The following SCAPER variants were observed in gnomAD, a reference collection of about 807,000 sequenced individuals.
The protein encoded by SCAPER is S phase cyclin A-associated protein in the endoplasmic reticulum.
Under a neutral mutation model 182.2 loss-of-function variants are expected in SCAPER, and 98 were observed. The observed-to-expected ratio is 0.54, with a 90% confidence interval of 0.46 to 0.64. The LOEUF is 0.64. SCAPER is among the 30% of genes least tolerant of loss of function. SCAPER has a pLI of 0.00. For missense variants in SCAPER, 1,432 were observed against 1,690.0 expected (o/e 0.85, Z 2.68); for synonymous variants, 605 against 564.6 (o/e 1.07, Z -1.01).
At chr15:76,650,180 A>G (rs2054903029) in intron 21 of SCAPER, among the ~76,000 whole-genome samples, 1 of 152,156 alleles carries the variant, frequency 6.6e-6, no homozygotes, top group African/African-American at 2.4e-5. Context: ...GCAAACACTA[A>G]AAATAAAAAG....
intron 22 of SCAPER, among the ~76,000 whole-genome samples, chr15:76,615,743 C>G (rs965432792): frequency 2.0e-5 from 3 of 150,650 alleles, no homozygotes; most frequent in African/African-American, 4.9e-5. Context: ...TTACTTGAAC[C>G]CGGGAGCTGG....
chr15:76,855,149 T>A (rs1005922758), intron 4 of SCAPER, among the ~76,000 whole-genome samples: 1 of 152,052 alleles, frequency 6.6e-6, no homozygotes, highest in African/African-American at 2.4e-5. Flanking sequence ...ATCTGATCTT[T>A]GACAAGACAA....
chr15:76,706,993 A>G (rs1276643801), intron 17 of SCAPER, among the ~76,000 whole-genome samples: 1 of 152,106 alleles, frequency 6.6e-6, no homozygotes, highest in Non-Finnish European at 1.5e-5. Flanking sequence ...ATATATATGT[A>G]AGATATGTGA....
intron 5 of SCAPER, among the ~76,000 whole-genome samples, chr15:76,815,137 A>C (rs527529867): frequency 6.6e-5 from 10 of 152,346 alleles, no homozygotes; most frequent in African/African-American, 2.4e-4. Context: ...GGGTGTGAAG[A>C]AAACCCTTGT....
chr15:76,585,693 T>C (rs537400274), intron 22 of SCAPER, among the ~76,000 whole-genome samples: 2 of 152,290 alleles, frequency 1.3e-5, no homozygotes, highest in South Asian at 2.1e-4. Flanking sequence ...CAAGAAAGAA[T>C]GCCAAATCAA....
At chr15:76,867,782 T>C (rs539147892) in intron 2 of SCAPER, among the ~76,000 whole-genome samples, 10 of 152,362 alleles carry the variant, frequency 6.6e-5, no homozygotes, top group Non-Finnish European at 1.2e-4. Flanking sequence ...GACTACAATA[T>C]GCATCAAAAC....
At chr15:76,733,141 G>T in intron 16 of SCAPER, 88 bp downstream of exon 16, 1 of 1,172,970 alleles carries the variant, frequency 8.5e-7, no homozygotes. Flanking sequence ...CTCCGCACAT[G>T]GGGAGAAAAA....
intron 3 of SCAPER, among the ~76,000 whole-genome samples, chr15:76,860,220 G>C (rs959068656): frequency 6.6e-6 from 1 of 151,952 alleles, no homozygotes. Context: ...TGGAAAATGA[G>C]AGAATACAAT....
intron 4 of SCAPER, among the ~76,000 whole-genome samples, chr15:76,849,618 T>C (rs1568331463): frequency 1.3e-5 from 2 of 152,038 alleles, no homozygotes; most frequent in South Asian, 2.1e-4. Flanking sequence ...TTTGACAGCA[T>C]TGAGAGGGAG....
chr15:76,723,487 G>T (rs1195499394), intron 17 of SCAPER, among the ~76,000 whole-genome samples: 1 of 152,118 alleles, frequency 6.6e-6, no homozygotes, highest in African/African-American at 2.4e-5. Flanking sequence ...GGATATCCTT[G>T]TTAACTTTCT....
At position 76,549,998 on chromosome 15, in the gene SCAPER, G is replaced by A. The variant is rs184965102; in HGVS notation, c.2838+24160C>T. 9.2e-5 allele frequency among the ~76,000 whole-genome samples: 14 copies of A among 152,102 alleles called. No individual in the cohort carries two copies. In the East Asian group the frequency reaches 2.1e-3, roughly 23 times the overall value. Reference sequence around the variant, plus strand: ...AAAACTTCTGCATAACAAAGGAAACGGTTAATAGAGGAAGTGGCAACCTAG... The same window carrying A: ...AAAACTTCTGCATAACAAAGGAAACAGTTAATAGAGGAAGTGGCAACCTAG... On this transcript the variant is annotated intron_variant, in intron 23 of 31. Coordinates refer to ENST00000563290, the MANE Select transcript of SCAPER (RefSeq NM_020843.4).
intron 5 of SCAPER, among the ~76,000 whole-genome samples, chr15:76,806,534 C>G (rs1200679129): frequency 6.6e-6 from 1 of 152,104 alleles, no homozygotes; most frequent in Non-Finnish European, 1.5e-5. Context: ...CTTTGCATCC[C>G]CATATGAATT....
intron 27 of SCAPER, among the ~76,000 whole-genome samples, chr15:76,403,469 A>G (rs944747020): frequency 6.6e-6 from 1 of 152,164 alleles, no homozygotes; most frequent in African/African-American, 2.4e-5. Flanking sequence ...AAGAGTAAGG[A>G]AGGATAGGTG....
intron 21 of SCAPER, among the ~76,000 whole-genome samples, chr15:76,659,336 T>A (rs753011647): frequency 1.3e-5 from 2 of 152,082 alleles, no homozygotes; most frequent in Non-Finnish European, 2.9e-5. Context: ...AGTGGTACAA[T>A]CACAGCTCAC....
Position 76,774,852 on chromosome 15 carries a change from T to C in SCAPER, c.1035+3A>G, listed in dbSNP as rs2063655242. 1 of 1,608,116 alleles carries C rather than the reference T, an allele frequency of 6.2e-7. No individual in the cohort carries two copies. The highest frequency in any genetic ancestry group is 8.5e-7 in the Non-Finnish European group (1 of 1,177,252). On this transcript the variant is annotated splice_donor_region_variant and intron_variant, in intron 9 of 31. Transcript: ENST00000563290. ...CAGTAAAAGGATTTTCAGAATGTAC[T>C]ACCTGGGTTTTTTCGGCAAGAGGAT...
At chr15:76,388,496 A>T (rs575167221) in intron 27 of SCAPER, among the ~76,000 whole-genome samples, 2 of 152,180 alleles carry the variant, frequency 1.3e-5, no homozygotes, top group Admixed American at 1.3e-4. Context: ...CTAAAAGTGA[A>T]GTGGGCCGTT....
Position 76,798,914 on chromosome 15 carries a change from T to C in SCAPER, c.611+1334A>G, listed in dbSNP as rs1313701926. Among the ~76,000 whole-genome samples, 6 of 150,584 alleles carry C rather than the reference T, an allele frequency of 4.0e-5. No individual in the cohort carries two copies. In the South Asian group the frequency reaches 1.0e-3, roughly 26 times the overall value. On this transcript the variant is annotated intron_variant, in intron 7 of 31. Transcript: ENST00000563290. Reference sequence around the variant, plus strand: ...AGTCCAGGCTCAAACAAAAGGACAATAGATAGTAACTCGAATCTGTATGAA... The same window carrying C: ...AGTCCAGGCTCAAACAAAAGGACAACAGATAGTAACTCGAATCTGTATGAA...
intron 14 of SCAPER, among the ~76,000 whole-genome samples, chr15:76,762,427 T>C (rs2062849584): frequency 6.7e-6 from 1 of 150,266 alleles, no homozygotes; most frequent in Admixed American, 6.7e-5. Flanking sequence ...GTATTTACAA[T>C]AGGTTTGCCC....
intron 22 of SCAPER, among the ~76,000 whole-genome samples, chr15:76,579,536 TA>T (rs957731380): frequency 0.013 from 1,580 of 121,010 alleles, 21 homozygotes; most frequent in African/African-American, 0.033. Flanking sequence ...AAAAGATTCA[TA>T]AAAAAAAAAA....
Sources: allele counts gnomAD v4.1 joint callset (sites outside exome capture counted in the v4.1 genomes callset), GRCh38; gene constraint gnomAD v4.1.1; transcripts MANE v1.5; gene names NCBI Gene and HGNC (gene_info 2026-07-23, HGNC 2026-07-21).